CDH8: variants seen among roughly 807,000 people sequenced by gnomAD.
The protein encoded by CDH8 is cadherin-8.
CDH8 carries 17 observed loss-of-function variants against 68.1 expected under a neutral mutation model. The observed-to-expected ratio is 0.25, with a 90% CI of 0.17 to 0.37. CDH8 has a LOEUF of 0.37. CDH8 is among the 10% of genes least tolerant of loss of function. The pLI, the probability that CDH8 is intolerant of heterozygous loss-of-function variation, is 1.00. For missense variants in CDH8, 763 were observed against 999.3 expected, an observed-to-expected ratio of 0.76 and a Z score of 3.19; for synonymous variants, 372 against 365.1, an observed-to-expected ratio of 1.02 and a Z score of -0.21.
chr16:61,695,075 G>A (rs1048869202), intron 10 of CDH8, among the ~76,000 whole-genome samples: 4 of 151,920 alleles, frequency 2.6e-5, no homozygotes, highest in Non-Finnish European at 4.4e-5. Flanking sequence ...CACCATGCCC[G>A]GCCTTCTTCT....
At chr16:61,922,114 A>G (rs1464953713) in intron 2 of CDH8, among the ~76,000 whole-genome samples, 1 of 152,124 alleles carries the variant, frequency 6.6e-6, no homozygotes, top group Non-Finnish European at 1.5e-5. Context: ...ACAAAATAAA[A>G]CGAAGTCTCA....
chr16:61,727,738 A>G (rs144234058), intron 8 of CDH8, among the ~76,000 whole-genome samples: 3,515 of 151,182 alleles, frequency 0.023, 67 homozygotes, highest in Non-Finnish European at 0.035. Context: ...TTTATGAATC[A>G]CATTTTTCAT....
intron 4 of CDH8, among the ~76,000 whole-genome samples, chr16:61,829,323 T>C (rs1483304921): frequency 6.6e-6 from 1 of 151,838 alleles, no homozygotes; most frequent in Non-Finnish European, 1.5e-5. Flanking sequence ...GCTGCATTCT[T>C]CCATGACGGT....
chr16:61,651,981 T>A lies in CDH8; in HGVS notation c.*1627A>T, dbSNP rs895471422. 4.6e-6 allele frequency: 3 copies of A among 648,776 alleles called. No individual in the cohort carries two copies. The African/African-American group carries it at 6.0e-5, about 13-fold the overall frequency. The allele number at this position is 648,776 out of a possible 1,614,324, so 40.2% of individuals were successfully genotyped here. A position where few individuals can be genotyped will look rare whatever the true frequency, so the allele number is the denominator to read the frequency against. The stretch of plus-strand genomic sequence containing the variant: ...ATGATTCTGTTAATAGATCTTCCAC[T>A]GATTGAAAAAAAAATTAATGACAAC... On this transcript the variant is annotated 3_prime_UTR_variant, in exon 12 of 12. Transcript: ENST00000577390.
intron 6 of CDH8, among the ~76,000 whole-genome samples, chr16:61,818,305 A>T (rs1962127768): frequency 6.6e-6 from 1 of 152,130 alleles, no homozygotes; most frequent in African/African-American, 2.4e-5. Flanking sequence ...TGTGGTTAAA[A>T]TGAGGTTTAT....
chr16:61,658,032 T>C (rs1476503116), intron 10 of CDH8, among the ~76,000 whole-genome samples: 1 of 152,116 alleles, frequency 6.6e-6, no homozygotes, highest in African/African-American at 2.4e-5. Context: ...TGCTAAATTT[T>C]ACCTGCCAGT....
At chr16:61,952,063 C>T (rs1964907106) in intron 2 of CDH8, among the ~76,000 whole-genome samples, 1 of 152,072 alleles carries the variant, frequency 6.6e-6, no homozygotes, top group Non-Finnish European at 1.5e-5. Flanking sequence ...GTGTGGCTCC[C>T]AAAGTTGAAC....
chr16:61,696,886 C>T (rs1014482497), intron 10 of CDH8, among the ~76,000 whole-genome samples: 5 of 152,068 alleles, frequency 3.3e-5, no homozygotes, highest in African/African-American at 1.2e-4. Context: ...AGTAGCTAAA[C>T]AGTGAAGTAC....
chr16:61,685,907 T>C (rs1000390715), intron 10 of CDH8, among the ~76,000 whole-genome samples: 1 of 151,952 alleles, frequency 6.6e-6, no homozygotes, highest in Non-Finnish European at 1.5e-5. Context: ...ATTGCTACTG[T>C]GTTCATTGGA....
chr16:61,761,728 T>C (rs1960475175), intron 8 of CDH8, among the ~76,000 whole-genome samples: 1 of 152,092 alleles, frequency 6.6e-6, no homozygotes, highest in Non-Finnish European at 1.5e-5. Flanking sequence ...TTAGGCCAGG[T>C]GCAGTGGCTC....
intron 2 of CDH8, among the ~76,000 whole-genome samples, chr16:61,915,808 A>G (rs572999462): frequency 6.6e-6 from 1 of 152,262 alleles, no homozygotes; most frequent in Admixed American, 6.5e-5. Context: ...AGGTGAGTGG[A>G]ACAGAACTTC....
Position 61,653,428 on chromosome 16 carries a change from A to C in CDH8, c.*180T>G. 1 of 1,408,744 alleles carries C rather than the reference A, an allele frequency of 7.1e-7. No homozygotes were observed. Among genetic ancestry groups the C allele is most frequent in the East Asian group, 2.6e-5 (1 of 38,712 alleles). The allele number at this position is 1,408,744 out of a possible 1,614,324, so 87.3% of individuals were successfully genotyped here. A position where few individuals can be genotyped will look rare whatever the true frequency, so the allele number is the denominator to read the frequency against. ...CACTCCACAAGATTTATAACCTCCT[A>C]ACATATACTTTTTTATTTTATTATC... On this transcript the variant is annotated 3_prime_UTR_variant, in exon 12 of 12. Coordinates refer to ENST00000577390, the MANE Select transcript of CDH8 (RefSeq NM_001796.5).
At chr16:61,679,808 T>C (rs886445399) in intron 10 of CDH8, among the ~76,000 whole-genome samples, 1 of 151,974 alleles carries the variant, frequency 6.6e-6, no homozygotes, top group African/African-American at 2.4e-5. Context: ...ACTCTAATTC[T>C]ACCCAAATGA....
chr16:61,973,909 C>T (rs1178612648), intron 2 of CDH8, among the ~76,000 whole-genome samples: 1 of 152,206 alleles, frequency 6.6e-6, no homozygotes, highest in Admixed American at 6.5e-5. Flanking sequence ...AGTTCACATG[C>T]TTCCCTTAGA....
intron 2 of CDH8, among the ~76,000 whole-genome samples, chr16:61,979,553 A>G (rs1022700311): frequency 2.0e-5 from 3 of 152,136 alleles, no homozygotes; most frequent in Non-Finnish European, 4.4e-5. Context: ...GCCTCTATCA[A>G]CCAAATGTAA....
intron 9 of CDH8, among the ~76,000 whole-genome samples, chr16:61,723,750 A>G (rs1959259937): frequency 6.6e-6 from 1 of 150,598 alleles, no homozygotes. Context: ...TGTCAGACAT[A>G]TATTTGGCTT....
At chr16:61,688,220 C>T (rs1340328794) in intron 10 of CDH8, among the ~76,000 whole-genome samples, 1 of 151,970 alleles carries the variant, frequency 6.6e-6, no homozygotes, top group Non-Finnish European at 1.5e-5. Context: ...CCTTCCATAC[C>T]CACCTCCCTG....
intron 8 of CDH8, among the ~76,000 whole-genome samples, chr16:61,739,504 A>C (rs1233756639): frequency 6.6e-6 from 1 of 151,958 alleles, no homozygotes; most frequent in Non-Finnish European, 1.5e-5. Flanking sequence ...AAGAGATTTC[A>C]GGGTATATAT....
intron 8 of CDH8, among the ~76,000 whole-genome samples, chr16:61,759,306 A>C (rs1960402400): frequency 1.3e-5 from 2 of 152,168 alleles, no homozygotes; most frequent in Admixed American, 6.5e-5. Flanking sequence ...CATCTCAGTT[A>C]CAGACACAGA....
Sources: gnomAD v4.1 joint callset for allele counts (sites outside exome capture counted in the v4.1 genomes callset) on GRCh38, gnomAD v4.1.1 for gene constraint, MANE v1.5 for transcripts, NCBI Gene and HGNC (gene_info 2026-07-23, HGNC 2026-07-21) for gene names.